Variants in FBXW10 observed in about 807,000 individuals in gnomAD.
The protein encoded by FBXW10 is F-box/WD repeat-containing protein 10.
FBXW10 carries 68 observed loss-of-function variants against 113.1 expected under a neutral mutation model. The observed-to-expected ratio is 0.60, with a 90% CI of 0.49 to 0.74. The LOEUF is 0.74. Ranked by LOEUF, FBXW10 falls within the 30% of genes least tolerant of loss-of-function variation. The probability of loss-of-function intolerance (pLI) is 0.00; values close to 1 mark genes in which losing one functional copy is unlikely to be tolerated. For missense variants in FBXW10, 753 were observed against 1,284.5 expected (o/e 0.59, Z 6.32); for synonymous variants, 289 against 481.6 (o/e 0.60, Z 5.24).
intron 7 of FBXW10, among the ~76,000 whole-genome samples, chr17:18,762,727 G>A (rs1177133665): frequency 1.3e-5 from 2 of 152,134 alleles, no homozygotes; most frequent in African/African-American, 4.8e-5. Context: ...AGCAGTGAGA[G>A]TGGGCATCTT....
chr17:18,764,202 T>C (rs984607282), intron 7 of FBXW10, among the ~76,000 whole-genome samples: 2 of 134,476 alleles, frequency 1.5e-5, no homozygotes, highest in Non-Finnish European at 3.1e-5. Context: ...TAAATACTCT[T>C]TTTTTTTTTT....
chr17:18,751,224 C>CT (rs11331150), intron 5 of FBXW10, among the ~76,000 whole-genome samples, 171 bp downstream of exon 5: 8,154 of 140,094 alleles, frequency 0.058, 510 homozygotes, highest in African/African-American at 0.15. Context: ...GACACTTCCT[C>CT]TTTTTTTTTT....
At chr17:18,746,204 A>C (rs1187336474) in intron 1 of FBXW10, among the ~76,000 whole-genome samples, 1 of 152,210 alleles carries the variant, frequency 6.6e-6, no homozygotes, top group Non-Finnish European at 1.5e-5. Flanking sequence ...CCCATGACCC[A>C]AAAACCTCCC....
At chr17:18,761,918 A>G (rs551930724) in intron 7 of FBXW10, among the ~76,000 whole-genome samples, 12 of 151,852 alleles carry the variant, frequency 7.9e-5, no homozygotes, top group Non-Finnish European at 1.8e-4. Context: ...AAACTCTCTT[A>G]TTAGTTGTAA....
rs146781245 is a variant in FBXW10 at position 18,774,204 on chromosome 17, A to G, written c.2279-932A>G. 9.3e-3 allele frequency among the ~76,000 whole-genome samples: 1,422 copies of G among 152,294 alleles called. 21 individuals are homozygous for G. Among genetic ancestry groups the G allele is most frequent in the African/African-American group, 0.032 (1,315 of 41,540 alleles). On this transcript the variant is annotated intron_variant, in intron 12 of 13. Transcript: ENST00000395665. The stretch of plus-strand genomic sequence containing the variant: ...TCCACATCATTTAGTCTTGGTTTCA[A>G]TGAAGAATAGAGAGTCTGGTTAATG...
At position 18,772,585 on chromosome 17, in the gene FBXW10, G is replaced by T. The variant is rs781721897; in HGVS notation, c.2180G>T (p.Arg727Ile). The change falls in exon 12 of 14, where the codon AGA (arginine) becomes ATA (isoleucine). Residue 727 changes from arginine (R) to isoleucine (I), a missense_variant. Coordinates refer to ENST00000395665, the MANE Select transcript of FBXW10 (RefSeq NM_001267585.2). ...TGTAATATTCAGGTTCACAGCCCAAGAGAGTCTGTATCCAGTAAACAAACT... is the reference window on the plus strand; with the variant it reads ...TGTAATATTCAGGTTCACAGCCCAATAGAGTCTGTATCCAGTAAACAAACT... The part of the protein sequence containing the change: ...SKCNIQVHSP[R>I]ESVSSKQTVI... 3 of 1,613,720 alleles carry T rather than the reference G, an allele frequency of 1.9e-6. No homozygotes were observed. The African/African-American group carries it at 4.0e-5, about 22-fold the overall frequency.
chr17:18,765,541 C>T (rs1597599564), intron 8 of FBXW10, among the ~76,000 whole-genome samples: 1 of 152,204 alleles, frequency 6.6e-6, no homozygotes, highest in African/African-American at 2.4e-5. Flanking sequence ...TGTCTTGTGA[C>T]GATGAGCATG....
rs1597608699 is a variant in FBXW10 at position 18,778,541 on chromosome 17, CA to C, written c.2405del (p.Lys802ArgfsTer16). ...ACTCCTGGAAAACTGCCCAGTCACC[CA>C]AAGAAAAAGTCTTGGAAAATCCCTA... is the stretch of plus-strand genomic sequence containing the variant. Reference protein sequence around the residue: ...LETPGKLPSHPKKKSWKIPMS... With the variant: ...LETPGKLPSHXKKKSWKIPMS... On this transcript the variant is annotated frameshift_variant, in exon 14 of 14. Coordinates refer to ENST00000395665, the MANE Select transcript of FBXW10 (RefSeq NM_001267585.2). LOFTEE classifies it high-confidence loss of function. 4.3e-6 allele frequency: 7 copies of C among 1,613,404 alleles called. No individual in the cohort carries two copies. The East Asian group carries it at 1.6e-4, about 36-fold the overall frequency.
intron 13 of FBXW10, among the ~76,000 whole-genome samples, chr17:18,776,402 T>G (rs1320673159): frequency 6.6e-6 from 1 of 152,232 alleles, no homozygotes; most frequent in African/African-American, 2.4e-5. Flanking sequence ...TGGTAAAAAT[T>G]TAAAATGTCT....
At chr17:18,759,804 A>G (rs1016263080) in intron 7 of FBXW10, among the ~76,000 whole-genome samples, 1 of 151,970 alleles carries the variant, frequency 6.6e-6, no homozygotes, top group Non-Finnish European at 1.5e-5. Context: ...TTTAGTAGAG[A>G]AGGGGTTTCC....
intron 8 of FBXW10, among the ~76,000 whole-genome samples, chr17:18,766,292 A>C (rs1017586133): frequency 3.3e-5 from 5 of 151,698 alleles, no homozygotes; most frequent in Admixed American, 6.6e-5. Flanking sequence ...ACAACACTAC[A>C]TGTATGCCAT....
intron 11 of FBXW10, among the ~76,000 whole-genome samples, 190 bp from the exon 12 acceptor site, chr17:18,772,222 A>C (rs1432233856): frequency 6.6e-6 from 1 of 152,240 alleles, no homozygotes; most frequent in Non-Finnish European, 1.5e-5. Flanking sequence ...GACAAAGCTA[A>C]CGACTCCTGC....
intron 1 of FBXW10, chr17:18,745,167 C>T (rs1355227538): frequency 9.8e-7 from 1 of 1,015,432 alleles, no homozygotes; most frequent in Non-Finnish European, 1.2e-6. Flanking sequence ...GAAACCAGAC[C>T]AAGAAGTCAA....
At position 18,744,171 on chromosome 17, in the gene FBXW10, C is replaced by G; in HGVS notation, c.-74C>G. On this transcript the variant is annotated 5_prime_UTR_variant, in exon 1 of 14. Transcript: ENST00000395665. ...ACAACTGGGGTATTTATTCATTCCC[C>G]CCGTTCCTCTAGTGTTTGGTGGCGT... is the stretch of plus-strand genomic sequence containing the variant. 1.3e-6 allele frequency: 2 copies of G among 1,534,208 alleles called. No homozygotes were observed. The highest frequency in any genetic ancestry group is 1.8e-4 in the Middle Eastern group (1 of 5,632).
intron 5 of FBXW10, among the ~76,000 whole-genome samples, chr17:18,752,462 C>T (rs2035187931): frequency 6.6e-6 from 1 of 152,158 alleles, no homozygotes; most frequent in South Asian, 2.1e-4. Context: ...CGCCTGTAAT[C>T]CCAGCACTTT....
chr17:18,763,186 T>C (rs911718526), intron 7 of FBXW10, among the ~76,000 whole-genome samples: 2 of 151,472 alleles, frequency 1.3e-5, no homozygotes, highest in African/African-American at 4.9e-5. Context: ...AGACAGAGTC[T>C]CACTCTGTCG....
chr17:18,775,322 T>C, intron 13 of FBXW10, 130 bp downstream of exon 13: 1 of 646,566 alleles, frequency 1.5e-6, no homozygotes, highest in Non-Finnish European at 2.8e-6. Flanking sequence ...AGTGGCAAGA[T>C]CCAAACTCTT....
intron 10 of FBXW10, chr17:18,769,700 C>T (rs897216129): frequency 2.0e-6 from 1 of 506,198 alleles, no homozygotes; most frequent in Non-Finnish European, 3.5e-6. Context: ...TCGCTTGTAT[C>T]TGGTAGGTGG....
At chr17:18,769,828 C>T (rs1344216909) in intron 10 of FBXW10, 99 bp from the exon 11 acceptor site, 15 of 1,312,474 alleles carry the variant, frequency 1.1e-5, no homozygotes, top group Non-Finnish European at 1.5e-5. Context: ...CAGTTATGGC[C>T]AGTGCTGCTC....
Sources: gnomAD v4.1 joint callset for allele counts (sites outside exome capture counted in the v4.1 genomes callset) on GRCh38, gnomAD v4.1.1 for gene constraint, MANE v1.5 for transcripts, NCBI Gene and HGNC (gene_info 2026-07-23, HGNC 2026-07-21) for gene names.